SORCS3: variants seen among roughly 807,000 people sequenced by gnomAD.
SORCS3 encodes sortilin related VPS10 domain containing receptor 3.
A neutral mutation model predicts 146.3 loss-of-function variants in SORCS3; 57 were observed. That is an observed-to-expected ratio of 0.39 (90% CI 0.31 to 0.49). The LOEUF (loss-of-function observed/expected upper bound fraction) is 0.49. SORCS3 is among the 20% of genes least tolerant of loss of function. The pLI is 0.92. For missense variants in SORCS3, 1,341 were observed against 1,575.5 expected (o/e 0.85, Z 2.52); for synonymous variants, 653 against 618.5 (o/e 1.06, Z -0.83).
At chr10:105,251,032 C>T (rs2056894892) in intron 22 of SORCS3, among the ~76,000 whole-genome samples, 1 of 152,216 alleles carries the variant, frequency 6.6e-6, no homozygotes, top group Admixed American at 6.5e-5. Context: ...TTCTTGGGAA[C>T]AGTGAGACCC....
chr10:105,073,098 T>G (rs2055568153), intron 5 of SORCS3, among the ~76,000 whole-genome samples: 1 of 152,082 alleles, frequency 6.6e-6, no homozygotes, highest in Non-Finnish European at 1.5e-5. Flanking sequence ...TACTTTACCC[T>G]ACTATACGGT....
chr10:104,641,355 G>C lies in SORCS3; in HGVS notation c.28G>C (p.Ala10Pro). MEAARTERP[A>P]GRPGAPLVRT... Reference sequence around the variant, plus strand: ...GGAGGCGGCGCGCACGGAGCGCCCCGCAGGCAGGCCGGGGGCGCCGCTTGT... The same window carrying C: ...GGAGGCGGCGCGCACGGAGCGCCCCCCAGGCAGGCCGGGGGCGCCGCTTGT... Residue 10 changes from alanine to proline, a missense_variant, in exon 1 of 27, where the codon GCA becomes CCA. Ala to Pro is a conservative substitution (Grantham distance 27). Coordinates refer to ENST00000369701, the MANE Select transcript of SORCS3 (RefSeq NM_014978.3). This position sits in a 1 kb window ranked among gnomAD's most constrained non-coding sequence, Gnocchi z 6.4. The C allele has an allele frequency of 7.2e-7, 1 of 1,382,500 alleles. No individual in the cohort carries two copies. Among genetic ancestry groups the C allele is most frequent in the Non-Finnish European group, 9.3e-7 (1 of 1,072,236 alleles). The allele number at this position is 1,382,500 out of a possible 1,614,324, so 85.6% of individuals were successfully genotyped here. A position where few individuals can be genotyped will look rare whatever the true frequency, so the allele number is the denominator to read the frequency against.
chr10:105,250,123 T>C (rs533003457), intron 22 of SORCS3, among the ~76,000 whole-genome samples: 2 of 152,256 alleles, frequency 1.3e-5, no homozygotes, highest in East Asian at 3.9e-4. Flanking sequence ...TGCTGTGTCT[T>C]CACATGGTGG....
At chr10:105,068,065 C>A (rs1040651431) in intron 5 of SORCS3, among the ~76,000 whole-genome samples, 1 of 152,000 alleles carries the variant, frequency 6.6e-6, no homozygotes, top group Admixed American at 6.6e-5. Context: ...CTTCTCATGC[C>A]CCTCGCAACA....
intron 1 of SORCS3, among the ~76,000 whole-genome samples, chr10:104,835,005 A>C (rs1406879036): frequency 6.6e-6 from 1 of 152,048 alleles, no homozygotes; most frequent in East Asian, 1.9e-4. Flanking sequence ...AATTTCTTGC[A>C]TCAGTCACTG....
intron 9 of SORCS3, among the ~76,000 whole-genome samples, chr10:105,152,018 A>G (rs570986797): frequency 1.3e-5 from 2 of 152,270 alleles, no homozygotes; most frequent in South Asian, 4.1e-4. Flanking sequence ...ATAGAGCTCT[A>G]TTGCAGTGTC....
chr10:104,989,320 C>T (rs2054980666), intron 4 of SORCS3, among the ~76,000 whole-genome samples: 2 of 152,098 alleles, frequency 1.3e-5, no homozygotes, highest in Admixed American at 1.3e-4. Context: ...CGAAGAATGG[C>T]AGGTTTAATG....
At chr10:104,838,744 G>C (rs1044499282) in intron 1 of SORCS3, among the ~76,000 whole-genome samples, 1 of 152,146 alleles carries the variant, frequency 6.6e-6, no homozygotes, top group Admixed American at 6.6e-5. Context: ...GCATAGAGGT[G>C]GGAAAGGAAC....
At chr10:104,796,066 A>G (rs2017551519) in intron 1 of SORCS3, among the ~76,000 whole-genome samples, 1 of 152,220 alleles carries the variant, frequency 6.6e-6, no homozygotes, top group Non-Finnish European at 1.5e-5. Flanking sequence ...GGAGAAAAGG[A>G]TCATGACTTC....
intron 1 of SORCS3, among the ~76,000 whole-genome samples, chr10:104,806,220 T>C (rs1309659553): frequency 6.6e-6 from 1 of 152,222 alleles, no homozygotes; most frequent in East Asian, 1.9e-4. Context: ...ATACTACGTC[T>C]TTCCACCATT....
Position 104,663,457 on chromosome 10 carries a change from C to T in SORCS3, c.627+21503C>T, listed in dbSNP as rs144271730. On this transcript the variant is annotated intron_variant, in intron 1 of 26. Coordinates refer to ENST00000369701, the MANE Select transcript of SORCS3 (RefSeq NM_014978.3). ...AAATATTAAAAGTTGAAAGAGACTTCGAAGGCCATTTAGTTCAACTTCTCC... is the reference window on the plus strand; with the variant it reads ...AAATATTAAAAGTTGAAAGAGACTTTGAAGGCCATTTAGTTCAACTTCTCC... Among the ~76,000 whole-genome samples the T allele has an allele frequency of 2.7e-4, 41 of 152,250 alleles. No individual in the cohort carries two copies. The Middle Eastern group carries it at 0.01, about 38-fold the overall frequency.
chr10:105,126,660 G>A (rs1025643916), intron 7 of SORCS3, among the ~76,000 whole-genome samples: 2 of 152,112 alleles, frequency 1.3e-5, no homozygotes, highest in African/African-American at 2.4e-5. Flanking sequence ...CTGGAATCTG[G>A]CAAACATGAG....
chr10:104,643,309 A>C (rs1235415592), intron 1 of SORCS3, among the ~76,000 whole-genome samples: 1 of 152,222 alleles, frequency 6.6e-6, no homozygotes, highest in Non-Finnish European at 1.5e-5. Flanking sequence ...TGGGATGTCC[A>C]GGATTGGGTA....
chr10:104,750,834 G>A (rs1035310119), intron 1 of SORCS3, among the ~76,000 whole-genome samples: 1 of 152,142 alleles, frequency 6.6e-6, no homozygotes, highest in Non-Finnish European at 1.5e-5. Context: ...GGTTCACTAT[G>A]AGTCAATTCT....
At position 105,247,251 on chromosome 10, in the gene SORCS3, C is replaced by G; in HGVS notation, c.3025C>G (p.Pro1009Ala). The G allele has an allele frequency of 6.2e-7, 1 of 1,610,480 alleles. No individual in the cohort carries two copies. Among genetic ancestry groups the G allele is most frequent in the Non-Finnish European group, 8.5e-7 (1 of 1,177,030 alleles). Residue 1009 changes from proline to alanine, a missense_variant, in exon 22 of 27, where the codon CCT (proline) becomes GCT (alanine). By Grantham distance (27) the Pro-to-Ala change is conservative. Coordinates refer to ENST00000369701, the MANE Select transcript of SORCS3 (RefSeq NM_014978.3). ...YFQSQLLSFS[P>A]NLDYHNPDIP... ...CCAGTCCCAGCTTTTATCATTCTCTCCTAATCTGGATTACCACAATCCTGA... is the reference window on the plus strand; with the variant it reads ...CCAGTCCCAGCTTTTATCATTCTCTGCTAATCTGGATTACCACAATCCTGA...
chr10:104,722,927 C>G (rs2016569142), intron 1 of SORCS3, among the ~76,000 whole-genome samples: 1 of 152,098 alleles, frequency 6.6e-6, no homozygotes. Context: ...TTCAAAAAAC[C>G]AGCTCCTGTA....
At chr10:105,028,919 T>G (rs1248958065) in intron 4 of SORCS3, among the ~76,000 whole-genome samples, 1 of 152,254 alleles carries the variant, frequency 6.6e-6, no homozygotes, top group South Asian at 2.1e-4. Flanking sequence ...GTCAGCAAAC[T>G]TTTTCTGTAA....
At chr10:104,748,386 A>G (rs2016940700) in intron 1 of SORCS3, among the ~76,000 whole-genome samples, 2 of 152,222 alleles carry the variant, frequency 1.3e-5, no homozygotes, top group South Asian at 4.1e-4. Flanking sequence ...TATTATCAGT[A>G]TATCAGTTCA....
intron 4 of SORCS3, among the ~76,000 whole-genome samples, chr10:105,022,017 A>G (rs757126178): frequency 3.9e-5 from 6 of 152,190 alleles, no homozygotes; most frequent in Non-Finnish European, 5.9e-5. Context: ...TACAGTAAGA[A>G]GATCAGTAGC....
Sources: allele counts gnomAD v4.1 joint callset (sites outside exome capture counted in the v4.1 genomes callset), GRCh38; gene constraint gnomAD v4.1.1; non-coding constraint Gnocchi (gnomAD v3.1); transcripts MANE v1.5; gene names NCBI Gene and HGNC (gene_info 2026-07-23, HGNC 2026-07-21).